The following PRKCE variants were observed in gnomAD, a reference collection of about 807,000 sequenced individuals.
The protein encoded by PRKCE is protein kinase C epsilon type.
Under a neutral mutation model 85.4 loss-of-function variants are expected in PRKCE, and 16 were observed. The observed-to-expected ratio is 0.19, with a 90% CI of 0.13 to 0.28. The LOEUF is 0.28. PRKCE is among the 10% of genes least tolerant of loss of function. PRKCE has a pLI of 1.00. For missense variants in PRKCE, 573 were observed against 975.2 expected, an observed-to-expected ratio of 0.59 and a Z score of 5.49; for synonymous variants, 388 against 371.5, an observed-to-expected ratio of 1.04 and a Z score of -0.51.
At chr2:45,984,716 T>A (rs749739166) in intron 6 of PRKCE, 36 bp downstream of exon 6, 8 of 1,577,144 alleles carry the variant, frequency 5.1e-6, no homozygotes, top group Non-Finnish European at 6.9e-6. Context: ...AGCCCCTGCA[T>A]GTCCCCTTCC....
chr2:45,672,109 G>C (rs568533277), intron 1 of PRKCE, among the ~76,000 whole-genome samples: 1 of 149,696 alleles, frequency 6.7e-6, no homozygotes, highest in East Asian at 2.0e-4. Flanking sequence ...ATCCAGTAGA[G>C]ACAGAAAAAG....
chr2:45,766,753 G>T (rs899010339), intron 1 of PRKCE, among the ~76,000 whole-genome samples: 1 of 152,260 alleles, frequency 6.6e-6, no homozygotes, highest in Middle Eastern at 3.4e-3. Context: ...AAAAGAAAAA[G>T]TCTGGGCCGG....
chr2:45,849,431 C>T (rs35844700), intron 2 of PRKCE, among the ~76,000 whole-genome samples: 74,691 of 151,830 alleles, frequency 0.49, 18,808 homozygotes, highest in Middle Eastern at 0.6. Flanking sequence ...CATTCTCTTC[C>T]TCTCCATCCT....
At chr2:46,093,511 A>G (rs1366449134) in intron 11 of PRKCE, among the ~76,000 whole-genome samples, 1 of 146,676 alleles carries the variant, frequency 6.8e-6, no homozygotes, top group Non-Finnish European at 1.5e-5. Context: ...TAGAAATAAC[A>G]TTATCTTATT....
At chr2:45,906,192 A>G (rs1419154730) in intron 2 of PRKCE, among the ~76,000 whole-genome samples, 1 of 152,216 alleles carries the variant, frequency 6.6e-6, no homozygotes, top group African/African-American at 2.4e-5. Context: ...AATCTCAACC[A>G]CCTGGCCTAC....
chr2:46,099,662 C>G (rs1295223009), intron 11 of PRKCE, among the ~76,000 whole-genome samples: 1 of 152,124 alleles, frequency 6.6e-6, no homozygotes, highest in African/African-American at 2.4e-5. Flanking sequence ...TGCATTGCAA[C>G]TATTTCTTGG....
chr2:45,885,002 T>TTTGTTGTTGTTG (rs61430995), intron 2 of PRKCE, among the ~76,000 whole-genome samples: 1 of 97,642 alleles, frequency 1.0e-5, no homozygotes, highest in Non-Finnish European at 2.1e-5. Flanking sequence ...TATATATATA[T>TTTGTTGTTGTTG]TTGTTGTTGT....
At chr2:46,140,308 A>G (rs1675388815) in intron 11 of PRKCE, among the ~76,000 whole-genome samples, 1 of 152,212 alleles carries the variant, frequency 6.6e-6, no homozygotes, top group South Asian at 2.1e-4. Context: ...TAAACCTGCA[A>G]TAATTAAAAG....
At chr2:46,016,968 G>A (rs556660484) in intron 10 of PRKCE, among the ~76,000 whole-genome samples, 1 of 148,182 alleles carries the variant, frequency 6.7e-6, no homozygotes, top group South Asian at 2.1e-4. Flanking sequence ...TTTTATAACT[G>A]CCTAATGATG....
At chr2:45,985,491 G>A (rs973418532) in intron 6 of PRKCE, among the ~76,000 whole-genome samples, 7 of 152,156 alleles carry the variant, frequency 4.6e-5, no homozygotes, top group African/African-American at 1.7e-4. Context: ...TTTTAAAATA[G>A]TGTTTTACTG....
intron 2 of PRKCE, among the ~76,000 whole-genome samples, chr2:45,859,040 CTAAATAAATAAATAAATAAATAAATAAA>C (rs3045334): frequency 6.6e-5 from 9 of 135,418 alleles, no homozygotes; most frequent in Admixed American, 5.9e-4. Flanking sequence ...GACTCCATCT[CTAAATAAATAAATAAATAAATAAATAAA>C]TAAATAAATA....
At chr2:45,752,521 G>T (rs1166548208) in intron 1 of PRKCE, among the ~76,000 whole-genome samples, 1 of 151,758 alleles carries the variant, frequency 6.6e-6, no homozygotes, top group Non-Finnish European at 1.5e-5. Flanking sequence ...GCATTCATTG[G>T]TTGTATGACG....
At chr2:45,803,264 T>A (rs1688008074) in intron 1 of PRKCE, among the ~76,000 whole-genome samples, 1 of 152,242 alleles carries the variant, frequency 6.6e-6, no homozygotes, top group African/African-American at 2.4e-5. Flanking sequence ...GATGATCTGG[T>A]CTTTTAGCCG....
At chr2:45,975,887 A>T (rs1261741485) in intron 2 of PRKCE, among the ~76,000 whole-genome samples, 3 of 152,192 alleles carry the variant, frequency 2.0e-5, no homozygotes, top group Non-Finnish European at 4.4e-5. Context: ...AGGTAAGAGG[A>T]AGAAGGAAGA....
In PRKCE at chr2:45,824,747, G is replaced by C. The variant is rs554380264; in HGVS notation, c.349-18253G>C. ...TGACCCATGAGCAATTTTCCAGTTG[G>C]TATTTAATGATCGCCACCCCTCCCT... On this transcript the variant is annotated intron_variant, in intron 1 of 14. Transcript: ENST00000306156. 3.9e-5 allele frequency among the ~76,000 whole-genome samples: 6 copies of C among 152,258 alleles called. No homozygotes were observed. The East Asian group carries it at 1.2e-3, about 29-fold the overall frequency.
At chr2:45,778,968 A>G (rs1205217288) in intron 1 of PRKCE, among the ~76,000 whole-genome samples, 2 of 152,232 alleles carry the variant, frequency 1.3e-5, no homozygotes, top group African/African-American at 4.8e-5. Context: ...TACAAGTGTC[A>G]GAGAAGCTGT....
chr2:45,930,470 C>G, intron 2 of PRKCE, among the ~76,000 whole-genome samples: 1 of 152,184 alleles, frequency 6.6e-6, no homozygotes, highest in African/African-American at 2.4e-5. Flanking sequence ...AGAATCTGGC[C>G]CTCTCCAGTC....
At chr2:45,751,993 A>G (rs539861326) in intron 1 of PRKCE, among the ~76,000 whole-genome samples, 4 of 148,070 alleles carry the variant, frequency 2.7e-5, no homozygotes, top group Non-Finnish European at 4.5e-5. Flanking sequence ...AATTTTTTGT[A>G]TTTTTAGTAG....
chr2:46,056,327 T>C (rs141972580), intron 10 of PRKCE, among the ~76,000 whole-genome samples: 70 of 152,106 alleles, frequency 4.6e-4, no homozygotes, highest in African/African-American at 1.6e-3. Flanking sequence ...TGTCTTCAAA[T>C]GTCTGTCCCA....
Sources: gnomAD v4.1 joint callset for allele counts (sites outside exome capture counted in the v4.1 genomes callset) on GRCh38, gnomAD v4.1.1 for gene constraint, MANE v1.5 for transcripts, NCBI Gene and HGNC (gene_info 2026-07-23, HGNC 2026-07-21) for gene names.